Variants in AGMO observed in about 807,000 individuals in gnomAD.
The protein encoded by AGMO is glyceryl-ether monooxygenase.
Under a neutral mutation model 60.2 loss-of-function variants are expected in AGMO, and 75 were observed. The ratio of observed to expected loss-of-function variants is 1.25; its 90% confidence interval spans 1.03 to 1.51. AGMO has a LOEUF of 1.51. Ranked by LOEUF, AGMO falls within the 40% of genes most tolerant of loss-of-function variation. The pLI, the probability that AGMO is intolerant of heterozygous loss-of-function variation, is 0.00. For synonymous variants in AGMO, 261 were observed against 177.1 expected (o/e 1.47, Z -3.76); for missense variants, 763 against 525.5 (o/e 1.45, Z -4.42).
chr7:15,486,089 A>G (rs1368771600), intron 3 of AGMO, among the ~76,000 whole-genome samples: 1 of 152,212 alleles, frequency 6.6e-6, no homozygotes, highest in African/African-American at 2.4e-5. Flanking sequence ...CATGCAGCCC[A>G]TGTATTGGAT....
chr7:15,210,878 T>C (rs529504250), intron 12 of AGMO, among the ~76,000 whole-genome samples: 49 of 152,112 alleles, frequency 3.2e-4, no homozygotes, highest in Non-Finnish European at 5.4e-4. Context: ...GCAGAGAAAA[T>C]ATTTTTCAAG....
chr7:15,261,948 C>A (rs531601563), intron 12 of AGMO, among the ~76,000 whole-genome samples: 1 of 151,948 alleles, frequency 6.6e-6, no homozygotes, highest in East Asian at 1.9e-4. Context: ...TCCAGCATCC[C>A]ATTATGATTA....
intron 12 of AGMO, among the ~76,000 whole-genome samples, chr7:15,353,354 T>C (rs1345665899): frequency 6.6e-6 from 1 of 152,164 alleles, no homozygotes; most frequent in Non-Finnish European, 1.5e-5. Context: ...CTCAAATCTC[T>C]TTTTATCCAA....
At chr7:15,378,175 G>A (rs965178656) in intron 10 of AGMO, among the ~76,000 whole-genome samples, 2 of 151,918 alleles carry the variant, frequency 1.3e-5, no homozygotes, top group African/African-American at 2.4e-5. Context: ...AATACAAGTC[G>A]ATTTCATGTT....
At chr7:15,265,937 T>C (rs1051150627) in intron 12 of AGMO, among the ~76,000 whole-genome samples, 1 of 152,112 alleles carries the variant, frequency 6.6e-6, no homozygotes, top group Non-Finnish European at 1.5e-5. Context: ...TACAATAGAA[T>C]ATTATTCAGC....
chr7:15,323,104 G>C (rs1228562681), intron 12 of AGMO, among the ~76,000 whole-genome samples: 1 of 151,662 alleles, frequency 6.6e-6, no homozygotes, highest in African/African-American at 2.4e-5. Context: ...AATAAGCCTA[G>C]TTAAAGATCA....
At chr7:15,507,110 C>G (rs1783532118) in intron 3 of AGMO, among the ~76,000 whole-genome samples, 1 of 151,760 alleles carries the variant, frequency 6.6e-6, no homozygotes, top group Admixed American at 6.6e-5. Flanking sequence ...AAGTGTGAGC[C>G]AAGGATTTTA....
At chr7:15,506,829 G>C (rs1394895811) in intron 3 of AGMO, among the ~76,000 whole-genome samples, 2 of 151,800 alleles carry the variant, frequency 1.3e-5, no homozygotes, top group African/African-American at 4.8e-5. Flanking sequence ...GAGAGACAGA[G>C]AGTCCCTAAA....
In AGMO at chr7:15,341,260, GCT is replaced by G. The variant is rs1781838532; in HGVS notation, c.1263+24252_1263+24253del. 2.6e-5 allele frequency among the ~76,000 whole-genome samples: 4 copies of G among 152,162 alleles called. No homozygotes were observed. The South Asian group carries it at 8.3e-4, about 32-fold the overall frequency. On this transcript the variant is annotated intron_variant, in intron 12 of 12. Coordinates refer to ENST00000342526, the MANE Select transcript of AGMO (RefSeq NM_001004320.2). ...GGCTGCAAATTTTCCAAATTTTTATGCTCTGTCACCTCCTGAATGCTTTGCTA... is the reference window on the plus strand; with the variant it reads ...GGCTGCAAATTTTCCAAATTTTTATGCTGTCACCTCCTGAATGCTTTGCTA...
chr7:15,297,712 T>C (rs1223494754), intron 12 of AGMO, among the ~76,000 whole-genome samples: 1 of 152,188 alleles, frequency 6.6e-6, no homozygotes, highest in Non-Finnish European at 1.5e-5. Context: ...TGAAAGGTTT[T>C]CAAACAATTA....
chr7:15,536,431 C>A (rs1308279421), intron 3 of AGMO, among the ~76,000 whole-genome samples: 1 of 151,834 alleles, frequency 6.6e-6, no homozygotes, highest in Non-Finnish European at 1.5e-5. Flanking sequence ...TTAACAGAAT[C>A]CCATTTGATG....
At chr7:15,353,276 T>A (rs1583444164) in intron 12 of AGMO, among the ~76,000 whole-genome samples, 1 of 152,298 alleles carries the variant, frequency 6.6e-6, no homozygotes, top group East Asian at 1.9e-4. Context: ...TGTAGAGATG[T>A]GTCAACAGGG....
the AGMO span, among the ~76,000 whole-genome samples, chr7:15,132,618 G>C: frequency 6.6e-6 from 1 of 152,112 alleles, no homozygotes; most frequent in Non-Finnish European, 1.5e-5. Context: ...AAGCAAAGTG[G>C]ATTTAACAAC....
intron 12 of AGMO, among the ~76,000 whole-genome samples, chr7:15,316,282 C>G (rs1168005736): frequency 6.6e-6 from 1 of 152,104 alleles, no homozygotes; most frequent in Non-Finnish European, 1.5e-5. Context: ...CAGCAGGTTC[C>G]TCTCCCACCC....
chr7:15,240,985 G>A (rs1053845056), intron 12 of AGMO, among the ~76,000 whole-genome samples: 2 of 152,040 alleles, frequency 1.3e-5, no homozygotes, highest in African/African-American at 2.4e-5. Flanking sequence ...AACACATTTT[G>A]TCCATTTTAT....
chr7:15,317,789 G>A (rs536337400), intron 12 of AGMO, among the ~76,000 whole-genome samples: 2 of 151,098 alleles, frequency 1.3e-5, no homozygotes, highest in Non-Finnish European at 2.9e-5. Context: ...TCAATGAATG[G>A]CACCATTGCA....
chr7:15,240,188 T>C lies in AGMO; in HGVS notation c.1264-38829A>G, dbSNP rs752174459. Reference sequence around the variant, plus strand: ...CTACCTGGTGTGTTAGGTCTCTTCATATTAGGCTTGCCATATTTAAAAAAT... The same window carrying C: ...CTACCTGGTGTGTTAGGTCTCTTCACATTAGGCTTGCCATATTTAAAAAAT... On this transcript the variant is annotated intron_variant, in intron 12 of 12. Transcript: ENST00000342526. 6.6e-5 allele frequency among the ~76,000 whole-genome samples: 10 copies of C among 152,294 alleles called. No individual in the cohort carries two copies. The East Asian group carries it at 1.9e-3, about 29-fold the overall frequency.
At chr7:15,354,960 A>C (rs1245724817) in intron 12 of AGMO, among the ~76,000 whole-genome samples, 1 of 152,046 alleles carries the variant, frequency 6.6e-6, no homozygotes, top group African/African-American at 2.4e-5. Context: ...TGCTAGGATG[A>C]AGTGGCTTAT....
chr7:15,325,168 GGATA>G lies in AGMO; in HGVS notation c.1263+40342_1263+40345del, dbSNP rs534636785. 1.6e-4 allele frequency among the ~76,000 whole-genome samples: 24 copies of G among 152,024 alleles called. No individual in the cohort carries two copies. The South Asian group carries it at 2.7e-3, about 17-fold the overall frequency. ...TTTCACGTTTTGAGAAATATATACT[GGATA>G]GATAGATTTAGTTTCATGCAGTCAT... On this transcript the variant is annotated intron_variant, in intron 12 of 12. Coordinates refer to ENST00000342526, the MANE Select transcript of AGMO (RefSeq NM_001004320.2).
Sources: gnomAD v4.1 joint callset for allele counts (sites outside exome capture counted in the v4.1 genomes callset) on GRCh38, gnomAD v4.1.1 for gene constraint, MANE v1.5 for transcripts, NCBI Gene and HGNC (gene_info 2026-07-23, HGNC 2026-07-21) for gene names.